Variants in FNIP2 observed in about 807,000 individuals in gnomAD.
The protein encoded by FNIP2 is folliculin interacting protein 2.
Under a neutral mutation model 108.7 loss-of-function variants are expected in FNIP2, and 32 were observed. The ratio of observed to expected loss-of-function variants is 0.29; its 90% confidence interval spans 0.22 to 0.40. The LOEUF (loss-of-function observed/expected upper bound fraction) is 0.40, where lower values mean the gene tolerates loss of function less well. Ranked by LOEUF, FNIP2 falls within the 10% of genes least tolerant of loss-of-function variation. The probability of loss-of-function intolerance (pLI) is 1.00; values close to 1 mark genes in which losing one functional copy is unlikely to be tolerated. For missense variants in FNIP2, 1,202 were observed against 1,381.6 expected (o/e 0.87, Z 2.06); for synonymous variants, 480 against 496.7 (o/e 0.97, Z 0.45).
In FNIP2 at chr4:158,861,661, A is replaced by C; in HGVS notation, c.1350A>C (p.Pro450=). Residue 450 remains proline (P), a synonymous_variant, in exon 12 of 17, where the codon CCA becomes CCC. Transcript: ENST00000264433. ...AVLTYHLAWV[P]TVMPVDHPPI... ...TAACCTACCACCTGGCCTGGGTCCC[A>C]ACTGTCATGCCTGTGGATCACCCTC... is the stretch of plus-strand genomic sequence containing the variant. 1 of 1,614,020 alleles carries C rather than the reference A, an allele frequency of 6.2e-7. No individual in the cohort carries two copies. Among genetic ancestry groups the C allele is most frequent in the Non-Finnish European group, 8.5e-7 (1 of 1,179,904 alleles).
intron 1 of FNIP2, among the ~76,000 whole-genome samples, chr4:158,780,272 T>C (rs1006259026): frequency 2.0e-5 from 3 of 152,166 alleles, no homozygotes; most frequent in African/African-American, 7.2e-5. Context: ...TTTATGATTA[T>C]AAAGATGTTG....
At chr4:158,824,918 C>T in intron 1 of FNIP2, among the ~76,000 whole-genome samples, 1 of 152,186 alleles carries the variant, frequency 6.6e-6, no homozygotes, top group East Asian at 1.9e-4. Flanking sequence ...TTAGGGACTT[C>T]TCTGTCCCTT....
chr4:158,845,780 A>T (rs568680834), intron 7 of FNIP2, among the ~76,000 whole-genome samples: 71 of 152,378 alleles, frequency 4.7e-4, no homozygotes, highest in African/African-American at 1.5e-3. Context: ...CTGAATTGTT[A>T]TCTAGAGTAT....
At chr4:158,860,654 CTTTTTTTTTTT>C in intron 10 of FNIP2, among the ~76,000 whole-genome samples, 1 of 121,106 alleles carries the variant, frequency 8.3e-6, no homozygotes. Flanking sequence ...CTGGGTCCCA[CTTTTTTTTTTT>C]TTTTTTTTTT....
intron 3 of FNIP2, among the ~76,000 whole-genome samples, chr4:158,830,921 G>A (rs945507864): frequency 3.3e-5 from 5 of 152,186 alleles, no homozygotes; most frequent in African/African-American, 1.2e-4. Context: ...ATGTATTGGG[G>A]TATACGATTC....
At chr4:158,810,265 T>C (rs898262711) in intron 1 of FNIP2, among the ~76,000 whole-genome samples, 3 of 152,294 alleles carry the variant, frequency 2.0e-5, no homozygotes, top group East Asian at 1.9e-4. Flanking sequence ...GTTGGACAGG[T>C]TGAATGAAGT....
chr4:158,888,895 A>G (rs1415581219), intron 14 of FNIP2, among the ~76,000 whole-genome samples: 2 of 151,590 alleles, frequency 1.3e-5, no homozygotes, highest in East Asian at 3.9e-4. Context: ...AAAAAAAAGT[A>G]AGAAACTTTG....
intron 3 of FNIP2, 51 bp from the exon 4 acceptor site, chr4:158,831,810 T>C: frequency 8.7e-7 from 1 of 1,155,686 alleles, no homozygotes; most frequent in Non-Finnish European, 1.3e-6. Context: ...TTCTGTTGCA[T>C]TGCATGTCAT....
In FNIP2 at chr4:158,825,797, C is replaced by A. The variant is rs528735758; in HGVS notation, c.108-119C>A. On this transcript the variant is annotated intron_variant, in intron 1 of 16. Coordinates refer to ENST00000264433, the MANE Select transcript of FNIP2 (RefSeq NM_020840.3). ...CCCCAGTTCTGAGGGGATCACTAGC[C>A]CTGCATGCTTGTGGCCTTTTGATGT... 2.8e-4 allele frequency: 339 copies of A among 1,217,124 alleles called. 8 individuals carry two copies. In the South Asian group the frequency reaches 4.5e-3, roughly 16 times the overall value. The allele number at this position is 1,217,124 out of a possible 1,614,324, so 75.4% of individuals were successfully genotyped here. A position where few individuals can be genotyped will look rare whatever the true frequency, so the allele number is the denominator to read the frequency against.
At chr4:158,851,826 A>G (rs1364307194) in intron 8 of FNIP2, among the ~76,000 whole-genome samples, 1 of 152,226 alleles carries the variant, frequency 6.6e-6, no homozygotes, top group Non-Finnish European at 1.5e-5. Context: ...GTATTCAAAA[A>G]TATATGAAGT....
At chr4:158,783,380 C>A (rs1056808845) in intron 1 of FNIP2, among the ~76,000 whole-genome samples, 4 of 152,204 alleles carry the variant, frequency 2.6e-5, no homozygotes. Flanking sequence ...TCATCATTTT[C>A]CCTGCAGAGG....
chr4:158,775,152 A>ACTC (rs964878227), intron 1 of FNIP2, among the ~76,000 whole-genome samples: 12 of 151,568 alleles, frequency 7.9e-5, no homozygotes, highest in African/African-American at 2.9e-4. Flanking sequence ...GCCAGCATGA[A>ACTC]CTCCTGGTGT....
intron 5 of FNIP2, 107 bp downstream of exon 5, chr4:158,832,245 G>A: frequency 1.2e-6 from 1 of 852,718 alleles, no homozygotes; most frequent in Non-Finnish European, 1.8e-6. Context: ...CAAGCAGAAT[G>A]AGTCCAAATT....
intron 15 of FNIP2, among the ~76,000 whole-genome samples, chr4:158,894,244 C>T (rs1433858843): frequency 1.3e-5 from 2 of 148,526 alleles, no homozygotes; most frequent in East Asian, 2.0e-4. Context: ...GATGTTGGCT[C>T]ACTGCAGCCT....
intron 16 of FNIP2, among the ~76,000 whole-genome samples, chr4:158,902,588 G>A (rs563425573): frequency 1.3e-5 from 2 of 152,284 alleles, no homozygotes; most frequent in Admixed American, 6.5e-5. Context: ...GCCTACAGCC[G>A]CCCCTTCCCC....
chr4:158,832,723 T>G (rs1050740982), intron 5 of FNIP2, among the ~76,000 whole-genome samples: 2 of 152,212 alleles, frequency 1.3e-5, no homozygotes, highest in African/African-American at 4.8e-5. Context: ...CAAAACAGTT[T>G]GAACATTTAA....
intron 1 of FNIP2, among the ~76,000 whole-genome samples, chr4:158,787,743 G>T (rs930542728): frequency 2.0e-5 from 3 of 151,958 alleles, no homozygotes; most frequent in Non-Finnish European, 4.4e-5. Flanking sequence ...TTAGACTTTT[G>T]CTTCTTTCTG....
intron 16 of FNIP2, among the ~76,000 whole-genome samples, chr4:158,901,128 A>ATTTTTTTTTTTTT (rs140017298): frequency 8.9e-6 from 1 of 112,302 alleles, no homozygotes; most frequent in Non-Finnish European, 1.7e-5. Flanking sequence ...CTGGGTTGAA[A>ATTTTTTTTTTTTT]TTTTTTTTTT....
intron 10 of FNIP2, among the ~76,000 whole-genome samples, chr4:158,860,775 G>A (rs1168184507): frequency 6.6e-6 from 1 of 151,016 alleles, no homozygotes; most frequent in South Asian, 2.1e-4. Context: ...TCCTGCCTCA[G>A]CCTCCCGAGT....
Sources: gnomAD v4.1 joint callset for allele counts (sites outside exome capture counted in the v4.1 genomes callset) on GRCh38, gnomAD v4.1.1 for gene constraint, MANE v1.5 for transcripts, NCBI Gene and HGNC (gene_info 2026-07-23, HGNC 2026-07-21) for gene names.